Variants in BCAS3 observed in about 807,000 individuals in gnomAD.
BCAS3 encodes the protein BCAS3 microtubule associated cell migration factor.
A neutral mutation model predicts 116.1 loss-of-function variants in BCAS3; 53 were observed. The observed-to-expected ratio is 0.46, with a 90% confidence interval of 0.37 to 0.57. The LOEUF is 0.57. Ranked by LOEUF, BCAS3 falls within the 20% of genes least tolerant of loss-of-function variation. The pLI is 0.00. For synonymous variants in BCAS3, 391 were observed against 408.2 expected (o/e 0.96, Z 0.51); for missense variants, 917 against 1,165.4 (o/e 0.79, Z 3.10).
chr17:61,275,240 G>T (rs1475564634), intron 22 of BCAS3, among the ~76,000 whole-genome samples: 1 of 152,174 alleles, frequency 6.6e-6, no homozygotes, highest in Non-Finnish European at 1.5e-5. Context: ...TGATTGAATT[G>T]TCTATGTGCT....
In BCAS3 at chr17:61,346,754, C is replaced by G. The variant is rs1047536265; in HGVS notation, c.2426-21573C>G. Among the ~76,000 whole-genome samples the G allele has an allele frequency of 6.6e-6, 1 of 152,188 alleles. No homozygotes were observed. On this transcript the variant is annotated intron_variant, in intron 22 of 23. Coordinates refer to ENST00000407086, the MANE Select transcript of BCAS3 (RefSeq NM_017679.5). This position sits in a 1 kb window ranked among gnomAD's most constrained non-coding sequence, Gnocchi z 5.4. ...AATCAGTGCCAAGTGTAGGAGAAGG[C>G]ATGAAGGCAAGCCACTTCACCACAG...
chr17:60,714,707 G>A (rs2038352169), intron 5 of BCAS3, among the ~76,000 whole-genome samples: 1 of 152,032 alleles, frequency 6.6e-6, no homozygotes, highest in Admixed American at 6.6e-5. Context: ...AGCATATCCT[G>A]GTTAAACATT....
At chr17:60,864,898 G>A (rs73320610) in intron 7 of BCAS3, among the ~76,000 whole-genome samples, 2,319 of 152,268 alleles carry the variant, frequency 0.015, 63 homozygotes, top group African/African-American at 0.053. Context: ...GAGGCCTGAG[G>A]AGAGGGAGAG....
intron 22 of BCAS3, among the ~76,000 whole-genome samples, chr17:61,125,935 G>A (rs1249126126): frequency 1.3e-5 from 2 of 151,988 alleles, no homozygotes; most frequent in Non-Finnish European, 2.9e-5. Flanking sequence ...GAATTTCAAG[G>A]AAGAAGTGAA....
Position 60,808,459 on chromosome 17 carries a change from C to A in BCAS3, c.476+383C>A, listed in dbSNP as rs561792991. Reference sequence around the variant, plus strand: ...GGATATTAGGTTGGCTACTAGCAGTCTTGGCCTCATGCTTTCAGTAAATAG... The same window carrying A: ...GGATATTAGGTTGGCTACTAGCAGTATTGGCCTCATGCTTTCAGTAAATAG... On this transcript the variant is annotated intron_variant, in intron 7 of 23. Transcript: ENST00000407086. Among the ~76,000 whole-genome samples the A allele has an allele frequency of 5.3e-5, 8 of 152,298 alleles. No homozygotes were observed. The East Asian group carries it at 1.3e-3, about 26-fold the overall frequency.
intron 22 of BCAS3, among the ~76,000 whole-genome samples, chr17:61,210,525 T>C (rs569040826): frequency 6.6e-6 from 1 of 152,222 alleles, no homozygotes; most frequent in Non-Finnish European, 1.5e-5. Flanking sequence ...CTTTCCCAGC[T>C]CATGCCTAGT....
intron 22 of BCAS3, among the ~76,000 whole-genome samples, chr17:61,268,589 T>G (rs965602657): frequency 4.6e-5 from 7 of 152,092 alleles, no homozygotes; most frequent in African/African-American, 1.7e-4. Flanking sequence ...TTTTTTGTTT[T>G]TTTTGTTTTT....
rs2047681751 is a variant in BCAS3, at chr17:61,243,370, A to G, written c.2426-124957A>G. 6.6e-6 allele frequency among the ~76,000 whole-genome samples: 1 copy of G among 152,146 alleles called. No homozygotes were observed. Among genetic ancestry groups the G allele is most frequent in the African/African-American group, 2.4e-5 (1 of 41,426 alleles). ...TATACTATATTTTCTTTATCCATTC[A>G]TTCATGGATGGACATTTAGTTTGCT... On this transcript the variant is annotated intron_variant, in intron 22 of 23. Coordinates refer to ENST00000407086, the MANE Select transcript of BCAS3 (RefSeq NM_017679.5). The surrounding 1 kb of genome is among the most constrained non-coding windows in gnomAD (Gnocchi z 5.6).
chr17:60,776,597 T>C (rs2045309938), intron 6 of BCAS3, among the ~76,000 whole-genome samples: 1 of 151,266 alleles, frequency 6.6e-6, no homozygotes, highest in African/African-American at 2.4e-5. Flanking sequence ...CGTGCACCTG[T>C]AATCCCAGCT....
intron 5 of BCAS3, among the ~76,000 whole-genome samples, chr17:60,726,791 G>C (rs1223455572): frequency 6.6e-6 from 1 of 152,122 alleles, no homozygotes; most frequent in East Asian, 1.9e-4. Flanking sequence ...TTACAGGCGT[G>C]AGCCACTGCT....
intron 6 of BCAS3, among the ~76,000 whole-genome samples, chr17:60,791,073 C>CT (rs2144539445): frequency 6.6e-6 from 1 of 152,114 alleles, no homozygotes; most frequent in South Asian, 2.1e-4. Context: ...AGGTGAAGAT[C>CT]TTGCTATATT....
chr17:61,242,389 C>T (rs2144507581), intron 22 of BCAS3, among the ~76,000 whole-genome samples: 1 of 152,026 alleles, frequency 6.6e-6, no homozygotes, highest in South Asian at 2.1e-4. Context: ...TCTCACAGTA[C>T]CTTAAAACAC....
In BCAS3 at chr17:61,323,206, G is replaced by A. The variant is rs2055452003; in HGVS notation, c.2426-45121G>A. Among the ~76,000 whole-genome samples, 1 of 152,120 alleles carries A rather than the reference G, an allele frequency of 6.6e-6. No individual in the cohort carries two copies. Among genetic ancestry groups the A allele is most frequent in the Non-Finnish European group, 1.5e-5 (1 of 68,022 alleles). On this transcript the variant is annotated intron_variant, in intron 22 of 23. Transcript: ENST00000407086. The surrounding 1 kb of genome is among the most constrained non-coding windows in gnomAD (Gnocchi z 4.6). ...AGATTGTTCATTTCACAAAGGGGAG[G>A]CTTTTAAAAATGAGAAGACTTTTGT...
rs1298962702 is a variant in BCAS3 at position 61,214,152 on chromosome 17, G to T, written c.2425+129588G>T. Among the ~76,000 whole-genome samples, 2 of 151,978 alleles carry T rather than the reference G, an allele frequency of 1.3e-5. No individual in the cohort carries two copies. Among genetic ancestry groups the T allele is most frequent in the Admixed American group, 6.6e-5 (1 of 15,246 alleles). ...GGAGACCTCACAAGGATCACGTGAG[G>T]TCAGGAGTTCAAGACCAGCCTGTCC... On this transcript the variant is annotated intron_variant, in intron 22 of 23. Transcript: ENST00000407086. The surrounding 1 kb of genome is among the most constrained non-coding windows in gnomAD (Gnocchi z 4.4).
At chr17:61,074,292 C>G (rs991396516) in intron 19 of BCAS3, among the ~76,000 whole-genome samples, 1 of 151,416 alleles carries the variant, frequency 6.6e-6, no homozygotes, top group Non-Finnish European at 1.5e-5. Flanking sequence ...GTGAGTGAGT[C>G]GTAGCTTCCA....
chr17:61,368,546 T>C lies in BCAS3; in HGVS notation c.2593+52T>C, dbSNP rs776186002. ...TGATTTGGTCAGGACCAGCACCTGT[T>C]GGTGCAGAGCTTCTCTGGAATCGTT... On this transcript the variant is annotated intron_variant, in intron 23 of 23. Transcript: ENST00000407086. The surrounding 1 kb of genome is among the most constrained non-coding windows in gnomAD (Gnocchi z 6.0). 8.3e-5 allele frequency: 127 copies of C among 1,528,638 alleles called. 1 individual carries two copies. The highest frequency in any genetic ancestry group is 5.9e-5 in the Non-Finnish European group (67 of 1,127,262). The allele number at this position is 1,528,638 out of a possible 1,614,324, so 94.7% of individuals were successfully genotyped here. A position where few individuals can be genotyped will look rare whatever the true frequency, so the allele number is the denominator to read the frequency against.
rs2057668954 is a variant in BCAS3, at chr17:61,348,911, C to T, written c.2426-19416C>T. Among the ~76,000 whole-genome samples, 1 of 152,126 alleles carries T rather than the reference C, an allele frequency of 6.6e-6. No homozygotes were observed. The highest frequency in any genetic ancestry group is 2.1e-4 in the South Asian group (1 of 4,800). ...GGGACTACAGGCGCCCACCGCCACA[C>T]ACGGCTAACTTTTTGTATTTTTGGT... On this transcript the variant is annotated intron_variant, in intron 22 of 23. Transcript: ENST00000407086. This position sits in a 1 kb window ranked among gnomAD's most constrained non-coding sequence, Gnocchi z 4.5.
At chr17:60,805,686 G>A (rs1228517930) in intron 6 of BCAS3, among the ~76,000 whole-genome samples, 2 of 151,874 alleles carry the variant, frequency 1.3e-5, no homozygotes, top group Non-Finnish European at 2.9e-5. Flanking sequence ...AAATTAGCCG[G>A]ACATGGTGGC....
chr17:61,154,690 C>A (rs777104906), intron 22 of BCAS3, among the ~76,000 whole-genome samples: 1 of 152,158 alleles, frequency 6.6e-6, no homozygotes, highest in Non-Finnish European at 1.5e-5. Flanking sequence ...CGACCCTCCC[C>A]ACATGGGTCT....
Sources: allele counts gnomAD v4.1 joint callset (sites outside exome capture counted in the v4.1 genomes callset), GRCh38; gene constraint gnomAD v4.1.1; non-coding constraint Gnocchi (gnomAD v3.1); transcripts MANE v1.5; gene names NCBI Gene and HGNC (gene_info 2026-07-23, HGNC 2026-07-21).